PAN3: variants seen among roughly 807,000 people sequenced by gnomAD.
PAN3 encodes the protein poly(A) specific ribonuclease subunit PAN3, also known as PAN2-PAN3 deadenylation complex subunit PAN3.
A neutral mutation model predicts 96.2 loss-of-function variants in PAN3; 19 were observed. That is an observed-to-expected ratio of 0.20 (90% CI 0.14 to 0.29). The LOEUF is 0.29. PAN3 is among the 10% of genes least tolerant of loss of function. The pLI is 1.00. For synonymous variants in PAN3, 433 were observed against 406.6 expected (o/e 1.06, Z -0.78); for missense variants, 882 against 1,108.1 (o/e 0.80, Z 2.90).
At chr13:28,231,240 AAATT>A (rs1320117556) in intron 6 of PAN3, among the ~76,000 whole-genome samples, 18 of 152,154 alleles carry the variant, frequency 1.2e-4, no homozygotes, top group African/African-American at 3.4e-4. Context: ...GATATTTGTT[AAATT>A]AATTAATGAC....
intron 1 of PAN3, among the ~76,000 whole-genome samples, chr13:28,139,444 A>C (rs1485195504): frequency 1.3e-5 from 2 of 148,588 alleles, no homozygotes; most frequent in Non-Finnish European, 3.0e-5. Context: ...TTGCAGGCAC[A>C]TGTGTTTTGC....
chr13:28,262,711 A>C (rs1304863085), intron 9 of PAN3, among the ~76,000 whole-genome samples: 1 of 91,970 alleles, frequency 1.1e-5, no homozygotes, highest in Non-Finnish European at 2.9e-5. Flanking sequence ...TATTTGAAAT[A>C]ACAAACTGTA....
chr13:28,277,305 G>A lies in PAN3; in HGVS notation c.2118G>A (p.Gln706=). The A allele has an allele frequency of 6.2e-7, 1 of 1,613,632 alleles. No homozygotes were observed. The highest frequency in any genetic ancestry group is 8.5e-7 in the Non-Finnish European group (1 of 1,179,612). ...ALACNSLAGI[Q]RENLQKAMEL... The stretch of plus-strand genomic sequence containing the variant: ...CTTGCAACTCTTTGGCAGGAATTCA[G>A]CGAGAGAATTTACAGAAAGCCATGG... The change falls in exon 15 of 19, where the codon CAG becomes CAA. Residue 706 remains glutamine, a synonymous_variant. Coordinates refer to ENST00000380958, the MANE Select transcript of PAN3 (RefSeq NM_175854.8).
chr13:28,140,687 TTGTTC>T (rs564126847), intron 1 of PAN3, among the ~76,000 whole-genome samples: 2 of 134,842 alleles, frequency 1.5e-5, no homozygotes, highest in Non-Finnish European at 3.1e-5. Context: ...GGGCCAAGTG[TTGTTC>T]TGTTCTGTTC....
chr13:28,141,454 C>CTTTTT (rs1171413517), intron 1 of PAN3, among the ~76,000 whole-genome samples: 1 of 123,912 alleles, frequency 8.1e-6, no homozygotes, highest in Non-Finnish European at 1.7e-5. Context: ...TTTTCTTTTT[C>CTTTTT]TTTTTTTCTT....
chr13:28,269,299 G>A (rs1886419456), intron 12 of PAN3, among the ~76,000 whole-genome samples: 1 of 151,760 alleles, frequency 6.6e-6, no homozygotes, highest in Non-Finnish European at 1.5e-5. Flanking sequence ...TTCTGTTTTT[G>A]GTGTTCACTG....
chr13:28,230,809 A>G (rs921204906), intron 6 of PAN3, among the ~76,000 whole-genome samples: 1 of 152,320 alleles, frequency 6.6e-6, no homozygotes. Flanking sequence ...TTTGTAAACA[A>G]CACAACACAA....
At chr13:28,243,419 T>C (rs376546792) in intron 6 of PAN3, among the ~76,000 whole-genome samples, 16 of 152,354 alleles carry the variant, frequency 1.1e-4, no homozygotes, top group African/African-American at 3.8e-4. Flanking sequence ...TTCACTTTTA[T>C]GGAATTCACA....
In PAN3 at chr13:28,280,520, C is replaced by G. The variant is rs45514000; in HGVS notation, c.2298C>G (p.Val766=). 1.3e-6 allele frequency: 2 copies of G among 1,557,884 alleles called. No individual in the cohort carries two copies. Among genetic ancestry groups the G allele is most frequent in the African/African-American group, 2.8e-5 (2 of 72,384 alleles). ...ATGCTGCTCAAATGAGAAATGATGT[C>G]ATAGAGGAAGACCTTGCAAAGGTAA... The part of the protein sequence containing the change: ...QLDAAQMRND[V]IEEDLAKEVQ... Residue 766 remains valine (V), a synonymous_variant, in exon 16 of 19, where the codon GTC becomes GTG. Coordinates refer to ENST00000380958, the MANE Select transcript of PAN3 (RefSeq NM_175854.8).
intron 3 of PAN3, among the ~76,000 whole-genome samples, chr13:28,177,056 C>T (rs370438720): frequency 3.3e-5 from 5 of 151,796 alleles, no homozygotes; most frequent in Non-Finnish European, 7.4e-5. Context: ...GGTTCCTTTA[C>T]GTAAGGGCAT....
chr13:28,237,433 C>A (rs553911900), intron 6 of PAN3, among the ~76,000 whole-genome samples: 54 of 152,216 alleles, frequency 3.5e-4, no homozygotes, highest in African/African-American at 1.1e-3. Flanking sequence ...ATTTCTGCCC[C>A]TAGAGAACCT....
At chr13:28,222,277 C>CA (rs1367106420) in intron 6 of PAN3, among the ~76,000 whole-genome samples, 1 of 151,980 alleles carries the variant, frequency 6.6e-6, no homozygotes, top group Non-Finnish European at 1.5e-5. Flanking sequence ...AATTGGACCT[C>CA]ACAATAGAAA....
At chr13:28,286,499 C>T (rs1288448381) in intron 17 of PAN3, among the ~76,000 whole-genome samples, 3 of 152,112 alleles carry the variant, frequency 2.0e-5, no homozygotes, top group Non-Finnish European at 4.4e-5. Context: ...TTTAGTAGTC[C>T]TTTGTGGCTT....
Position 28,267,352 on chromosome 13 carries a change from A to T in PAN3, c.1743A>T (p.Arg581Ser). The T allele has an allele frequency of 6.2e-7, 1 of 1,613,902 alleles. No homozygotes were observed. Among genetic ancestry groups the T allele is most frequent in the Non-Finnish European group, 8.5e-7 (1 of 1,179,846 alleles). ...FHAGGETMMSRHFNDPNADAY... is the reference protein window; with the variant it reads ...FHAGGETMMSSHFNDPNADAY... Reference sequence around the variant, plus strand: ...CTGGAGGAGAAACTATGATGAGCAGACACTTTAATGACCCTAATGCTGATG... The same window carrying T: ...CTGGAGGAGAAACTATGATGAGCAGTCACTTTAATGACCCTAATGCTGATG... Residue 581 changes from arginine (R) to serine (S), a missense_variant, in exon 12 of 19, where the codon AGA becomes AGT. Physicochemically the swap from Arg to Ser is moderately radical, Grantham distance 110. This residue lies in a region of PAN3 where 364 missense variants were observed against 513.6 expected (regional missense o/e 0.71). Transcript: ENST00000380958.
intron 1 of PAN3, among the ~76,000 whole-genome samples, chr13:28,155,216 T>C (rs954543120): frequency 5.3e-5 from 8 of 152,200 alleles, no homozygotes; most frequent in Admixed American, 2.6e-4. Flanking sequence ...ATGTGTTCTC[T>C]AGGCACTGAC....
intron 5 of PAN3, among the ~76,000 whole-genome samples, chr13:28,201,142 C>T (rs1878644418): frequency 6.6e-6 from 1 of 151,858 alleles, no homozygotes. Flanking sequence ...TCAAGCGATC[C>T]TCCTGTCTCA....
intron 1 of PAN3, among the ~76,000 whole-genome samples, chr13:28,150,994 A>G (rs918333001): frequency 4.6e-5 from 7 of 152,190 alleles, no homozygotes; most frequent in African/African-American, 1.2e-4. Flanking sequence ...ATGGGAGTGT[A>G]GGAATAGGGT....
intron 6 of PAN3, among the ~76,000 whole-genome samples, chr13:28,236,360 C>A (rs1396782102): frequency 6.6e-6 from 1 of 152,108 alleles, no homozygotes; most frequent in Non-Finnish European, 1.5e-5. Flanking sequence ...CCTATTAAAT[C>A]AAAAACACAG....
chr13:28,281,766 C>CTTT (rs10707261), intron 17 of PAN3, among the ~76,000 whole-genome samples: 37 of 114,952 alleles, frequency 3.2e-4, no homozygotes, highest in Non-Finnish European at 3.6e-4. Flanking sequence ...TTAAAGCACA[C>CTTT]TTTTTTTTTT....
Sources: allele counts gnomAD v4.1 joint callset (sites outside exome capture counted in the v4.1 genomes callset), GRCh38; gene constraint gnomAD v4.1.1; regional missense constraint gnomAD v4.1.1; transcripts MANE v1.5; gene names NCBI Gene and HGNC (gene_info 2026-07-23, HGNC 2026-07-21).